Variants in RHPN2 observed in about 807,000 individuals in gnomAD.
RHPN2 encodes rhophilin-2.
RHPN2 carries 40 observed loss-of-function variants against 79.0 expected under a neutral mutation model. The observed-to-expected ratio is 0.51, with a 90% CI of 0.39 to 0.66. The LOEUF is 0.66. Among genes scored for constraint, RHPN2 ranks in the 30% least tolerant of loss-of-function variants. RHPN2 has a pLI of 0.00. For synonymous variants in RHPN2, 285 were observed against 363.5 expected, an observed-to-expected ratio of 0.78 and a Z score of 2.46; for missense variants, 686 against 883.5, an observed-to-expected ratio of 0.78 and a Z score of 2.83.
intron 2 of RHPN2, among the ~76,000 whole-genome samples, chr19:33,029,819 T>A (rs1419219145): frequency 6.6e-6 from 1 of 152,084 alleles, no homozygotes; most frequent in East Asian, 1.9e-4. Context: ...GGGGTGAAAT[T>A]GGGAGGAGGC....
chr19:33,045,004 C>A (rs1972130657), intron 1 of RHPN2, among the ~76,000 whole-genome samples: 1 of 152,078 alleles, frequency 6.6e-6, no homozygotes, highest in Non-Finnish European at 1.5e-5. Context: ...AGAAAGGCAC[C>A]CACACCCTTG....
intron 2 of RHPN2, among the ~76,000 whole-genome samples, chr19:33,032,856 G>T (rs528647896): frequency 2.6e-4 from 40 of 151,966 alleles, no homozygotes; most frequent in Admixed American, 4.6e-4. Flanking sequence ...TCCTCCTATT[G>T]CCTGCCAGGA....
At chr19:33,007,980 AG>A (rs1299179844) in intron 7 of RHPN2, 33 bp downstream of exon 7, 2 of 1,610,638 alleles carry the variant, frequency 1.2e-6, no homozygotes, top group South Asian at 2.2e-5. Flanking sequence ...GGTGGGGCCA[AG>A]GCTCCGTCTG....
At chr19:33,010,199 G>C (rs567798545) in intron 6 of RHPN2, among the ~76,000 whole-genome samples, 1 of 152,076 alleles carries the variant, frequency 6.6e-6, no homozygotes, top group Non-Finnish European at 1.5e-5. Flanking sequence ...CTGGTGCATT[G>C]TTAGGAAAAG....
At position 33,036,689 on chromosome 19, in the gene RHPN2, G is replaced by A. The variant is rs777450021; in HGVS notation, c.185+7560C>T. Among the ~76,000 whole-genome samples the A allele has an allele frequency of 2.0e-5, 3 of 152,204 alleles. 1 individual carries two copies. Among genetic ancestry groups the A allele is most frequent in the South Asian group, 4.1e-4 (2 of 4,832 alleles). ...CTGCCCGCGGTGCTTGCGGGCTAGC[G>A]CGAGTTCCAGGTGGGCGTGGGCTGG... On this transcript the variant is annotated intron_variant, in intron 2 of 14. Coordinates refer to ENST00000254260, the MANE Select transcript of RHPN2 (RefSeq NM_033103.5).
chr19:33,039,511 TC>T, intron 2 of RHPN2, among the ~76,000 whole-genome samples: 1 of 151,742 alleles, frequency 6.6e-6, no homozygotes, highest in South Asian at 2.1e-4. Context: ...GATGTTACTA[TC>T]CCCCCTCTGA....
intron 14 of RHPN2, among the ~76,000 whole-genome samples, chr19:32,987,607 T>A (rs1432065630): frequency 6.6e-6 from 1 of 152,234 alleles, no homozygotes; most frequent in African/African-American, 2.4e-5. Flanking sequence ...CCATTTTCTT[T>A]GCACTTGCTT....
intron 1 of RHPN2, among the ~76,000 whole-genome samples, chr19:33,048,738 A>AAAAAAAAAAAAAAAAAAC: frequency 6.6e-6 from 1 of 151,160 alleles, no homozygotes. Flanking sequence ...AAAAAAAAAA[A>AAAAAAAAAAAAAAAAAAC]AAAAAAACTT....
intron 12 of RHPN2, among the ~76,000 whole-genome samples, 160 bp downstream of exon 12, chr19:32,993,817 A>G (rs947627232): frequency 1.3e-5 from 2 of 152,110 alleles, no homozygotes; most frequent in African/African-American, 4.8e-5. Flanking sequence ...TTGGTCTTGG[A>G]CTTCCCAGCC....
chr19:33,027,906 TTAG>T (rs1432885646), intron 2 of RHPN2, among the ~76,000 whole-genome samples: 1 of 152,130 alleles, frequency 6.6e-6, no homozygotes, highest in Non-Finnish European at 1.5e-5. Context: ...AACATCACAC[TTAG>T]TGGTGAATGA....
intron 1 of RHPN2, among the ~76,000 whole-genome samples, chr19:33,044,757 G>A (rs547028846): frequency 8.1e-4 from 123 of 152,238 alleles, no homozygotes; most frequent in African/African-American, 3.0e-3. Context: ...AACCAGGTGT[G>A]GTGGTGGGCG....
Position 32,996,220 on chromosome 19 carries a change from C to T in RHPN2, c.1226G>A (p.Gly409Glu). 1 of 1,614,112 alleles carries T rather than the reference C, an allele frequency of 6.2e-7. No homozygotes were observed. Among genetic ancestry groups the T allele is most frequent in the South Asian group, 1.1e-5 (1 of 91,088 alleles). ...CATGGCTCTGCGCAAGTGGGACTTC[C>T]CTGCAGACGGAAGCCAGCACCCACG... ...LKNDQQRRQL[G>E]KSHLRRAMAH... Residue 409 changes from glycine to glutamate, a missense_variant and splice_region_variant, in exon 11 of 15, where the codon GGG (glycine) becomes GAG (glutamate). Coordinates refer to ENST00000254260, the MANE Select transcript of RHPN2 (RefSeq NM_033103.5).
intron 14 of RHPN2, among the ~76,000 whole-genome samples, chr19:32,985,329 A>T (rs554194152): frequency 3.3e-5 from 5 of 152,168 alleles, no homozygotes; most frequent in African/African-American, 1.2e-4. Flanking sequence ...AAACAAAACA[A>T]AAAACAACAA....
intron 12 of RHPN2, among the ~76,000 whole-genome samples, chr19:32,993,470 T>C (rs1213451314): frequency 6.6e-6 from 1 of 151,986 alleles, no homozygotes; most frequent in Admixed American, 6.6e-5. Context: ...TGAGACTCTG[T>C]CTCAAAAAAC....
chr19:32,982,457 T>A lies in RHPN2; in HGVS notation c.1801-2201A>T, dbSNP rs924158157. On this transcript the variant is annotated intron_variant, in intron 14 of 14. Transcript: ENST00000254260. ...TAAATAAAATAAACCCTCAGAGGAA[T>A]CTGAGTTATGCAGCAATAAAGTAGG... 1.7e-4 allele frequency among the ~76,000 whole-genome samples: 26 copies of A among 152,174 alleles called. 1 individual carries two copies. Among genetic ancestry groups the A allele is most frequent in the African/African-American group, 5.8e-4 (24 of 41,510 alleles).
At chr19:33,030,381 C>T (rs1972001188) in intron 2 of RHPN2, among the ~76,000 whole-genome samples, 1 of 152,052 alleles carries the variant, frequency 6.6e-6, no homozygotes, top group African/African-American at 2.4e-5. Context: ...TCACTTGAGG[C>T]CAAGAATTCG....
chr19:32,980,285 G>A (rs376522964), intron 14 of RHPN2, 29 bp from the exon 15 acceptor site: 45 of 1,613,682 alleles, frequency 2.8e-5, no homozygotes, highest in Middle Eastern at 1.6e-4. Flanking sequence ...GAAAAAGGGC[G>A]TCAGGCATCA....
intron 3 of RHPN2, among the ~76,000 whole-genome samples, chr19:33,022,224 G>A (rs558897665): frequency 4.6e-5 from 7 of 152,274 alleles, no homozygotes; most frequent in East Asian, 3.9e-4. Flanking sequence ...CTGGGATGAC[G>A]GGCGTGAGCC....
Position 33,044,379 on chromosome 19 carries a change from G to A in RHPN2, c.70-15C>T, listed in dbSNP as rs1445040208. On this transcript the variant is annotated splice_polypyrimidine_tract_variant and intron_variant, in intron 1 of 14. Coordinates refer to ENST00000254260, the MANE Select transcript of RHPN2 (RefSeq NM_033103.5). ...GGATTACAGCCCTGAGGAAAAATAA[G>A]AGATGCCCCTTCAGAGGTCGGCCAC... 1.9e-6 allele frequency: 3 copies of A among 1,575,178 alleles called. No homozygotes were observed. Among genetic ancestry groups the A allele is most frequent in the Non-Finnish European group, 2.6e-6 (3 of 1,144,612 alleles).
Sources: gnomAD v4.1 joint callset for allele counts (sites outside exome capture counted in the v4.1 genomes callset) on GRCh38, gnomAD v4.1.1 for gene constraint, MANE v1.5 for transcripts, NCBI Gene and HGNC (gene_info 2026-07-23, HGNC 2026-07-21) for gene names.